SOS2: variants seen among roughly 807,000 people sequenced by gnomAD.
The protein encoded by SOS2 is SOS Ras/Rho guanine nucleotide exchange factor 2.
SOS2 carries 65 observed loss-of-function variants against 148.2 expected under a neutral mutation model. That is an observed-to-expected ratio of 0.44 (90% CI 0.36 to 0.54). The LOEUF (loss-of-function observed/expected upper bound fraction) is 0.54, where lower values mean the gene tolerates loss of function less well. Among genes scored for constraint, SOS2 ranks in the 20% least tolerant of loss-of-function variants. SOS2 has a pLI of 0.00. For synonymous variants in SOS2, 539 were observed against 537.1 expected, an observed-to-expected ratio of 1.00 and a Z score of -0.05; for missense variants, 1,341 against 1,590.2, an observed-to-expected ratio of 0.84 and a Z score of 2.67.
At position 50,118,604 on chromosome 14, in the gene SOS2, C is replaced by G; in HGVS notation, c.3739G>C (p.Asp1247His). 6.2e-7 allele frequency: 1 copy of G among 1,614,094 alleles called. No individual in the cohort carries two copies. Reference sequence around the variant, plus strand: ...CACGTACTAATGTCTCTGAGCCAGTCTGAATCTCTGTGAAGATGCCCCAGT... The same window carrying G: ...CACGTACTAATGTCTCTGAGCCAGTGTGAATCTCTGTGAAGATGCCCCAGT... Reference protein sequence around the residue: ...PPLGHLHRDSDWLRDISTCPN... With the variant: ...PPLGHLHRDSHWLRDISTCPN... The change falls in exon 23 of 23, where the codon GAC (aspartate) becomes CAC (histidine). Residue 1247 changes from aspartate to histidine, a missense_variant. Asp to His is a moderately conservative substitution (Grantham distance 81, BLOSUM62 -1). This residue lies in a region of SOS2 where 354 missense variants were observed against 347.7 expected (regional missense o/e 1.02). Transcript: ENST00000216373.
intron 1 of SOS2, among the ~76,000 whole-genome samples, chr14:50,212,582 A>G (rs1346472805): frequency 6.6e-6 from 1 of 152,236 alleles, no homozygotes; most frequent in Non-Finnish European, 1.5e-5. Flanking sequence ...AGTGTTAAAT[A>G]GGTGTTCCTT....
chr14:50,121,337 C>T (rs1169141372), intron 21 of SOS2, among the ~76,000 whole-genome samples: 1 of 152,190 alleles, frequency 6.6e-6, no homozygotes, highest in Non-Finnish European at 1.5e-5. Context: ...GTTACAAAGG[C>T]AGCAACTATG....
chr14:50,136,487 C>T (rs1010670472), intron 18 of SOS2, among the ~76,000 whole-genome samples: 1 of 152,106 alleles, frequency 6.6e-6, no homozygotes, highest in Non-Finnish European at 1.5e-5. Context: ...ATTTCCTTAG[C>T]TCTCCGAAGC....
At chr14:50,181,010 T>C (rs1331843820) in intron 6 of SOS2, among the ~76,000 whole-genome samples, 3 of 151,952 alleles carry the variant, frequency 2.0e-5, no homozygotes, top group Non-Finnish European at 2.9e-5. Context: ...ACCGAGTTAG[T>C]GAAGGGAAAG....
intron 8 of SOS2, among the ~76,000 whole-genome samples, chr14:50,163,748 T>C (rs907989550): frequency 6.6e-6 from 1 of 152,236 alleles, no homozygotes; most frequent in Non-Finnish European, 1.5e-5. Context: ...CTTTAATAAA[T>C]ATGAATGTTG....
In SOS2 at chr14:50,120,267, T is replaced by G; in HGVS notation, c.3489+8A>C. 7.4e-7 allele frequency: 1 copy of G among 1,354,694 alleles called. No homozygotes were observed. Among genetic ancestry groups the G allele is most frequent in the Non-Finnish European group, 1.1e-6 (1 of 947,782 alleles). 83.9% of individuals were successfully genotyped at this position (1,354,694 alleles called of 1,614,324 possible). On this transcript the variant is annotated splice_region_variant and intron_variant, in intron 22 of 22. Transcript: ENST00000216373. ...TTGAATAAGTTGGAGTAAAGTCCTGTTGATTACCTTGGAATTTGAAGCATC... is the reference window on the plus strand; with the variant it reads ...TTGAATAAGTTGGAGTAAAGTCCTGGTGATTACCTTGGAATTTGAAGCATC...
intron 4 of SOS2, among the ~76,000 whole-genome samples, chr14:50,198,849 A>G (rs1244683031): frequency 1.3e-5 from 2 of 152,182 alleles, no homozygotes; most frequent in Non-Finnish European, 2.9e-5. Context: ...TAACACAAAG[A>G]TTGCTATGTT....
At chr14:50,144,067 A>C (rs1297240897) in intron 16 of SOS2, among the ~76,000 whole-genome samples, 1 of 152,210 alleles carries the variant, frequency 6.6e-6, no homozygotes, top group Non-Finnish European at 1.5e-5. Flanking sequence ...ACTCAGACCC[A>C]GGATTTCCAC....
intron 4 of SOS2, among the ~76,000 whole-genome samples, chr14:50,199,203 T>C (rs1886405844): frequency 6.6e-6 from 1 of 152,048 alleles, no homozygotes; most frequent in African/African-American, 2.4e-5. Context: ...TAGAAGAATA[T>C]GGAAGACTCA....
Position 50,120,303 on chromosome 14 carries a change from T to A in SOS2, c.3461A>T (p.Lys1154Met), listed in dbSNP as rs1883460747. The change falls in exon 22 of 23, where the codon AAG becomes ATG. Residue 1154 changes from lysine to methionine, a missense_variant. Transcript: ENST00000216373. Reference protein sequence around the residue: ...LIPPPLPPRKKFDHDASNSKG... With the variant: ...LIPPPLPPRKMFDHDASNSKG... Reference sequence around the variant, plus strand: ...GGAATTTGAAGCATCATGATCAAACTTTTTTCGAGGAGGAAGAGGAGGAGG... The same window carrying A: ...GGAATTTGAAGCATCATGATCAAACATTTTTCGAGGAGGAAGAGGAGGAGG... The A allele has an allele frequency of 6.2e-7, 1 of 1,602,566 alleles. No individual in the cohort carries two copies. Among genetic ancestry groups the A allele is most frequent in the African/African-American group, 1.3e-5 (1 of 74,510 alleles).
intron 4 of SOS2, among the ~76,000 whole-genome samples, chr14:50,195,562 G>A (rs1006992005): frequency 1.2e-4 from 18 of 152,150 alleles, no homozygotes; most frequent in Non-Finnish European, 2.5e-4. Flanking sequence ...AGGAATTCCA[G>A]ACCAGCCTGG....
chr14:50,210,234 G>A (rs1886824387), intron 1 of SOS2, among the ~76,000 whole-genome samples: 1 of 152,158 alleles, frequency 6.6e-6, no homozygotes, highest in Non-Finnish European at 1.5e-5. Context: ...CCACAAACAA[G>A]TCCACATATA....
At chr14:50,181,780 G>T (rs991554996) in intron 6 of SOS2, among the ~76,000 whole-genome samples, 4 of 151,780 alleles carry the variant, frequency 2.6e-5, no homozygotes, top group African/African-American at 7.3e-5. Context: ...AAAATAAAGT[G>T]ACTTTCATCT....
chr14:50,120,241 T>G, intron 22 of SOS2, 34 bp downstream of exon 22: 1 of 955,782 alleles, frequency 1.0e-6, no homozygotes, highest in East Asian at 2.4e-5. Context: ...GATTCACAAC[T>G]TTGAATAAGT....
At chr14:50,202,974 G>A (rs771951454) in intron 2 of SOS2, among the ~76,000 whole-genome samples, 4 of 151,896 alleles carry the variant, frequency 2.6e-5, no homozygotes, top group South Asian at 2.1e-4. Context: ...TGGGCAACAC[G>A]GCAAGGCCCA....
At chr14:50,231,712 C>T (rs1887557678), upstream of SOS2, among the ~76,000 whole-genome samples, 1 of 151,872 alleles carries the variant, frequency 6.6e-6, no homozygotes, top group Non-Finnish European at 1.5e-5. Context: ...CTCGTCTCCT[C>T]ATCGCCTCCT....
At chr14:50,156,225 G>A (rs1000556638) in intron 12 of SOS2, 2 of 151,088 alleles carry the variant, frequency 1.3e-5, no homozygotes, top group Non-Finnish European at 2.9e-5. Flanking sequence ...GCTAAGAGAA[G>A]GCGCTTCCAA....
intron 19 of SOS2, among the ~76,000 whole-genome samples, chr14:50,132,812 C>T (rs1317400838): frequency 6.6e-6 from 1 of 152,024 alleles, no homozygotes; most frequent in East Asian, 1.9e-4. Flanking sequence ...AAAGCTTTTG[C>T]AGAAAAACAA....
chr14:50,191,054 A>G (rs564104130), intron 4 of SOS2, among the ~76,000 whole-genome samples: 2 of 152,278 alleles, frequency 1.3e-5, no homozygotes, highest in South Asian at 2.1e-4. Context: ...GCCCATTACT[A>G]TATTAAAACT....
Sources: gnomAD v4.1 joint callset for allele counts (sites outside exome capture counted in the v4.1 genomes callset) on GRCh38, gnomAD v4.1.1 for gene constraint, gnomAD v4.1.1 regional missense constraint, MANE v1.5 for transcripts, NCBI Gene and HGNC (gene_info 2026-07-23, HGNC 2026-07-21) for gene names.